The following MROH1 variants were observed in gnomAD, a reference collection of about 807,000 sequenced individuals.
MROH1 encodes maestro heat-like repeat-containing protein family member 1.
A neutral mutation model predicts 116.5 loss-of-function variants in MROH1; 117 were observed. The observed-to-expected ratio is 1.00, with a 90% CI of 0.86 to 1.17. The LOEUF (loss-of-function observed/expected upper bound fraction) is 1.17, where lower values mean the gene tolerates loss of function less well. Among genes scored for constraint, MROH1 ranks in the 50% most tolerant of loss-of-function variants. The probability of loss-of-function intolerance (pLI) is 0.00; values close to 1 mark genes in which losing one functional copy is unlikely to be tolerated. For missense variants in MROH1, 1,873 were observed against 1,338.5 expected, an observed-to-expected ratio of 1.40 and a Z score of -6.23; for synonymous variants, 921 against 583.9, an observed-to-expected ratio of 1.58 and a Z score of -8.32.
At chr8:144,197,512 T>A (rs1379409961) in intron 10 of MROH1, among the ~76,000 whole-genome samples, 1 of 134,916 alleles carries the variant, frequency 7.4e-6, no homozygotes, top group Admixed American at 8.5e-5. Context: ...CTTGGCTCAC[T>A]GCAAGCTCTG....
chr8:144,240,759 C>T (rs1840838886), intron 20 of MROH1, 82 bp downstream of exon 20: 1 of 699,938 alleles, frequency 1.4e-6, no homozygotes, highest in East Asian at 2.7e-5. Flanking sequence ...CTGTCTGGGC[C>T]CTGTCTCCCG....
intron 1 of MROH1, among the ~76,000 whole-genome samples, chr8:144,150,094 G>T (rs1322284292): frequency 2.6e-5 from 4 of 152,028 alleles, no homozygotes; most frequent in African/African-American, 9.7e-5. Context: ...GCACAGCCTC[G>T]CACACCCCCT....
chr8:144,235,218 TC>T (rs1554824265), intron 14 of MROH1, among the ~76,000 whole-genome samples: 1 of 152,216 alleles, frequency 6.6e-6, no homozygotes, highest in Admixed American at 6.5e-5. Flanking sequence ...TTCATATCGA[TC>T]TTGTATACTG....
At position 144,259,899 on chromosome 8, in the gene MROH1, C is replaced by T; in HGVS notation, c.4045-12C>T. 2 of 730,972 alleles carry T rather than the reference C, an allele frequency of 2.7e-6. No homozygotes were observed. The highest frequency in any genetic ancestry group is 2.6e-5 in the East Asian group (1 of 38,274). 45.3% of individuals were successfully genotyped at this position (730,972 alleles called of 1,614,324 possible). A position where few individuals can be genotyped will look rare whatever the true frequency, so the allele number is the denominator to read the frequency against. On this transcript the variant is annotated splice_polypyrimidine_tract_variant and intron_variant, in intron 37 of 43. Coordinates refer to ENST00000326134, the MANE Select transcript of MROH1 (RefSeq NM_032450.3). Reference sequence around the variant, plus strand: ...AGCGGGGAGAGGGAAGTCACAGCACCTCTGCCTGCAGCTGCTGAACAGCAA... The same window carrying T: ...AGCGGGGAGAGGGAAGTCACAGCACTTCTGCCTGCAGCTGCTGAACAGCAA...
intron 4 of MROH1, among the ~76,000 whole-genome samples, chr8:144,168,668 C>T (rs1219324007): frequency 6.6e-6 from 1 of 152,190 alleles, no homozygotes; most frequent in African/African-American, 2.4e-5. Context: ...GTTCAACCCT[C>T]CTGGTCGAGG....
At chr8:144,258,132 C>T (rs1295294888) in intron 35 of MROH1, among the ~76,000 whole-genome samples, 2 of 152,212 alleles carry the variant, frequency 1.3e-5, no homozygotes, top group East Asian at 1.9e-4. Context: ...ACTCTCCCTG[C>T]CAGTTTCTGG....
rs756919149 is a variant in MROH1, at chr8:144,180,789, G to T, written c.562+266G>T. 3.1e-4 allele frequency among the ~76,000 whole-genome samples: 47 copies of T among 152,128 alleles called. No homozygotes were observed. The highest frequency in any genetic ancestry group is 5.7e-4 in the Non-Finnish European group (39 of 68,020). ...ACTGAGGGCTGGACGTGCCTGGGGGGTAGGAAGAGACTTCCTCGAAGCCAT... is the reference window on the plus strand; with the variant it reads ...ACTGAGGGCTGGACGTGCCTGGGGGTTAGGAAGAGACTTCCTCGAAGCCAT... On this transcript the variant is annotated intron_variant, in intron 7 of 43. Coordinates refer to ENST00000326134, the MANE Select transcript of MROH1 (RefSeq NM_032450.3). The surrounding 1 kb of genome is among the most constrained non-coding windows in gnomAD (Gnocchi z 7.4).
chr8:144,156,510 C>A (rs1818127105), intron 1 of MROH1, among the ~76,000 whole-genome samples: 1 of 151,760 alleles, frequency 6.6e-6, no homozygotes, highest in South Asian at 2.1e-4. Context: ...GGTTTGAGAC[C>A]AGCCTGGCCA....
intron 7 of MROH1, among the ~76,000 whole-genome samples, chr8:144,185,854 G>A (rs1168208525): frequency 4.3e-5 from 6 of 140,026 alleles, no homozygotes; most frequent in Middle Eastern, 3.6e-3. Flanking sequence ...AACCACGGGG[G>A]GGCGGTGAGG....
chr8:144,175,217 C>T (rs1489231885), intron 4 of MROH1: 2 of 945,114 alleles, frequency 2.1e-6, no homozygotes, highest in African/African-American at 1.8e-5. Context: ...TGCCCTGCTG[C>T]ACCCAAGCTG....
intron 4 of MROH1, among the ~76,000 whole-genome samples, chr8:144,170,191 A>G (rs1264762806): frequency 1.3e-5 from 2 of 152,176 alleles, no homozygotes; most frequent in East Asian, 3.9e-4. Flanking sequence ...AGGAGGGCAG[A>G]GCAGATCTGA....
chr8:144,259,468 G>A (rs2129987375), intron 37 of MROH1, 114 bp downstream of exon 37: 2 of 697,362 alleles, frequency 2.9e-6, no homozygotes, highest in Non-Finnish European at 5.2e-6. Context: ...GTCTGTGAGG[G>A]AGGTTATGTG....
At chr8:144,162,274 A>T (rs1819729774) in intron 2 of MROH1, among the ~76,000 whole-genome samples, 1 of 150,560 alleles carries the variant, frequency 6.6e-6, no homozygotes, top group African/African-American at 2.4e-5. Context: ...TTTAGTACAG[A>T]CTGGATTTTA....
chr8:144,173,326 A>G (rs1822976025), intron 4 of MROH1, among the ~76,000 whole-genome samples: 1 of 151,538 alleles, frequency 6.6e-6, no homozygotes, highest in South Asian at 2.1e-4. Flanking sequence ...CAGGTTGGTC[A>G]TGAACTCCTG....
intron 14 of MROH1, among the ~76,000 whole-genome samples, chr8:144,238,202 G>T (rs1339529493): frequency 6.7e-6 from 1 of 149,370 alleles, no homozygotes; most frequent in Non-Finnish European, 1.5e-5. Context: ...TTCAGCTTCT[G>T]AAAGAGAGGG....
chr8:144,234,491 C>CGTTTTTTTTTTTTTTTT (rs1839606360), intron 14 of MROH1, among the ~76,000 whole-genome samples: 1 of 29,316 alleles, frequency 3.4e-5, no homozygotes, highest in African/African-American at 9.5e-5. Flanking sequence ...TATTTTCTTT[C>CGTTTTTTTTTTTTTTTT]TTTTTCGTTT....
At chr8:144,155,415 T>C (rs982087566) in intron 1 of MROH1, among the ~76,000 whole-genome samples, 19 of 152,344 alleles carry the variant, frequency 1.2e-4, no homozygotes, top group African/African-American at 4.1e-4. Context: ...TGTCTACATA[T>C]ATTTTATGCA....
intron 12 of MROH1, among the ~76,000 whole-genome samples, chr8:144,213,649 C>T (rs6981715): frequency 0.91 from 138,116 of 152,050 alleles, 64,268 homozygotes; most frequent in East Asian, 1. Flanking sequence ...ATTAGCTGGG[C>T]GTGGTGGCGT....
At chr8:144,206,643 G>A (rs1007645885) in intron 12 of MROH1, among the ~76,000 whole-genome samples, 2 of 151,206 alleles carry the variant, frequency 1.3e-5, no homozygotes, top group African/African-American at 4.8e-5. Flanking sequence ...GGCTGGTCTC[G>A]AACTCCTGGA....
Sources: gnomAD v4.1 joint callset for allele counts (sites outside exome capture counted in the v4.1 genomes callset) on GRCh38, gnomAD v4.1.1 for gene constraint, Gnocchi (gnomAD v3.1) non-coding constraint, MANE v1.5 for transcripts, NCBI Gene and HGNC (gene_info 2026-07-23, HGNC 2026-07-21) for gene names.